Variants in SAMD4A observed in about 807,000 individuals in gnomAD.
SAMD4A encodes sterile alpha motif domain containing 4A.
A neutral mutation model predicts 81.3 loss-of-function variants in SAMD4A; 33 were observed. The ratio of observed to expected loss-of-function variants is 0.41; its 90% CI spans 0.31 to 0.54. The LOEUF (loss-of-function observed/expected upper bound fraction) is 0.54, where lower values mean the gene tolerates loss of function less well. Ranked by LOEUF, SAMD4A falls within the 20% of genes least tolerant of loss-of-function variation. The pLI, the probability that SAMD4A is intolerant of heterozygous loss-of-function variation, is 0.37. For synonymous variants in SAMD4A, 389 were observed against 382.1 expected, an observed-to-expected ratio of 1.02 and a Z score of -0.21; for missense variants, 854 against 951.1, an observed-to-expected ratio of 0.90 and a Z score of 1.34.
chr14:54,682,506 A>G (rs1413935350), intron 2 of SAMD4A, among the ~76,000 whole-genome samples: 1 of 152,198 alleles, frequency 6.6e-6, no homozygotes, highest in Non-Finnish European at 1.5e-5. Context: ...CATTTTGTGA[A>G]TCTGACATTT....
chr14:54,781,950 T>C (rs1419512037), intron 11 of SAMD4A, among the ~76,000 whole-genome samples: 3 of 152,238 alleles, frequency 2.0e-5, no homozygotes, highest in African/African-American at 7.2e-5. Flanking sequence ...TGTGAACATA[T>C]GGGCTTCTCC....
chr14:54,613,568 A>G (rs917697931), intron 2 of SAMD4A, among the ~76,000 whole-genome samples: 1 of 152,142 alleles, frequency 6.6e-6, no homozygotes, highest in Admixed American at 6.5e-5. Flanking sequence ...AGCTAAGGCC[A>G]TTTCTCTGCA....
intron 2 of SAMD4A, chr14:54,681,721 C>A: frequency 2.2e-6 from 2 of 899,544 alleles, no homozygotes; most frequent in Non-Finnish European, 2.7e-6. Flanking sequence ...TGTGAGCCAC[C>A]ACGCCCTGCC....
At chr14:54,641,821 A>G (rs887093018) in intron 2 of SAMD4A, among the ~76,000 whole-genome samples, 4 of 151,948 alleles carry the variant, frequency 2.6e-5, no homozygotes, top group Admixed American at 6.6e-5. Context: ...TTTTTGAGAT[A>G]GAGTCTCGCT....
At chr14:54,755,563 G>A (rs2038217266) in intron 6 of SAMD4A, among the ~76,000 whole-genome samples, 5 of 152,156 alleles carry the variant, frequency 3.3e-5, no homozygotes, top group Admixed American at 3.3e-4. Context: ...AATCCCACCA[G>A]GTGCCATGGA....
chr14:54,583,990 C>T (rs1302034492), intron 2 of SAMD4A, among the ~76,000 whole-genome samples: 1 of 152,100 alleles, frequency 6.6e-6, no homozygotes, highest in Admixed American at 6.5e-5. Context: ...TCTCAATTAC[C>T]GGTGCCTTCT....
intron 5 of SAMD4A, 72 bp downstream of exon 5, chr14:54,748,996 C>T: frequency 1.9e-6 from 2 of 1,057,582 alleles, no homozygotes; most frequent in Non-Finnish European, 2.9e-6. Flanking sequence ...CCTGGACAAC[C>T]TTGTTTGGAC....
intron 12 of SAMD4A, among the ~76,000 whole-genome samples, chr14:54,787,361 A>G (rs1566641659): frequency 6.6e-6 from 1 of 152,186 alleles, no homozygotes. Flanking sequence ...AGTTATCTCA[A>G]AAGTTTCAAC....
intron 2 of SAMD4A, among the ~76,000 whole-genome samples, chr14:54,692,656 G>T (rs2036470439): frequency 6.6e-6 from 1 of 152,144 alleles, no homozygotes; most frequent in Non-Finnish European, 1.5e-5. Flanking sequence ...GGTCTGGAGT[G>T]TGAGGGCGGC....
Position 54,784,624 on chromosome 14 carries a change from A to G in SAMD4A, c.2128+4A>G, listed in dbSNP as rs756137630. 3.1e-6 allele frequency: 5 copies of G among 1,612,074 alleles called. No homozygotes were observed. The East Asian group carries it at 8.9e-5, about 29-fold the overall frequency. Reference sequence around the variant, plus strand: ...ATGACCGAACACGCCCTGGGAGGTGAGTGTGTTCTTCCTGCATGTCCCCAT... The same window carrying G: ...ATGACCGAACACGCCCTGGGAGGTGGGTGTGTTCTTCCTGCATGTCCCCAT... On this transcript the variant is annotated splice_donor_region_variant and intron_variant, in intron 12 of 12. Transcript: ENST00000554335.
At chr14:54,777,683 A>T (rs1398298364) in intron 11 of SAMD4A, among the ~76,000 whole-genome samples, 1 of 151,786 alleles carries the variant, frequency 6.6e-6, no homozygotes, top group Non-Finnish European at 1.5e-5. Flanking sequence ...GTGGGGGGGT[A>T]GGCTGGAATT....
chr14:54,748,708 TC>T (rs2038026662), intron 4 of SAMD4A, 106 bp from the exon 5 acceptor site: 2 of 727,964 alleles, frequency 2.7e-6, no homozygotes, highest in Admixed American at 2.7e-5. Flanking sequence ...TCTTTTTTTT[TC>T]CTTTGACCAT....
rs537722990 is a variant in SAMD4A at position 54,750,270 on chromosome 14, C to A, written c.1090-1181C>A. Among the ~76,000 whole-genome samples the A allele has an allele frequency of 7.9e-5, 12 of 152,254 alleles. No individual in the cohort carries two copies. In the East Asian group the frequency reaches 1.2e-3, roughly 15 times the overall value. ...AAAGTTAAGGGTAAACAGAAATATACCCCCAGTGTTTCATCTTAGAGACTG... is the reference window on the plus strand; with the variant it reads ...AAAGTTAAGGGTAAACAGAAATATAACCCCAGTGTTTCATCTTAGAGACTG... On this transcript the variant is annotated intron_variant, in intron 5 of 12. Coordinates refer to ENST00000554335, the MANE Select transcript of SAMD4A (RefSeq NM_015589.6).
chr14:54,606,835 A>G (rs753189198), intron 2 of SAMD4A, among the ~76,000 whole-genome samples: 5 of 152,162 alleles, frequency 3.3e-5, no homozygotes, highest in Admixed American at 6.5e-5. Flanking sequence ...TCACTGTGGA[A>G]ATTTTGTGGT....
chr14:54,577,193 C>T (rs865858021), intron 2 of SAMD4A, among the ~76,000 whole-genome samples: 7 of 152,238 alleles, frequency 4.6e-5, no homozygotes, highest in Non-Finnish European at 8.8e-5. Context: ...CATTATTCCC[C>T]TCTCCCTTGG....
At chr14:54,592,873 C>T (rs1397155556) in intron 2 of SAMD4A, among the ~76,000 whole-genome samples, 1 of 152,172 alleles carries the variant, frequency 6.6e-6, no homozygotes, top group Non-Finnish European at 1.5e-5. Flanking sequence ...TCTAGGCCGT[C>T]ATCTTTATGT....
At chr14:54,566,330 G>C (rs1216358469), upstream of SAMD4A, among the ~76,000 whole-genome samples, 4 of 151,686 alleles carry the variant, frequency 2.6e-5, no homozygotes, top group East Asian at 7.8e-4. Context: ...CCCTCCCTAC[G>C]GCCCTCGGCG....
intron 2 of SAMD4A, among the ~76,000 whole-genome samples, chr14:54,576,834 C>A (rs2140129836): frequency 6.6e-6 from 1 of 152,126 alleles, no homozygotes; most frequent in South Asian, 2.1e-4. Context: ...GGCCTGTCTC[C>A]AGCCACTGTC....
chr14:54,742,570 A>C (rs1484495243), intron 4 of SAMD4A, among the ~76,000 whole-genome samples: 1 of 152,186 alleles, frequency 6.6e-6, no homozygotes, highest in Non-Finnish European at 1.5e-5. Context: ...AAAAAGCCAT[A>C]GATTTGGGCT....
Sources: allele counts gnomAD v4.1 joint callset (sites outside exome capture counted in the v4.1 genomes callset), GRCh38; gene constraint gnomAD v4.1.1; transcripts MANE v1.5; gene names NCBI Gene and HGNC (gene_info 2026-07-23, HGNC 2026-07-21).